Variants in CCDC122 observed in about 807,000 individuals in gnomAD.
CCDC122 encodes coiled-coil domain containing 122, also known as coiled-coil domain-containing protein 122.
CCDC122 carries 38 observed loss-of-function variants against 37.0 expected under a neutral mutation model. The observed-to-expected ratio is 1.03, with a 90% CI of 0.79 to 1.35. CCDC122 has a LOEUF of 1.35. CCDC122 is among the 40% of genes most tolerant of loss of function. The pLI, the probability that CCDC122 is intolerant of heterozygous loss-of-function variation, is 0.00. For synonymous variants in CCDC122, 83 were observed against 95.6 expected (o/e 0.87, Z 0.77); for missense variants, 305 against 310.0 (o/e 0.98, Z 0.12).
chr13:43,875,597 T>G (rs1954585401), intron 1 of CCDC122, among the ~76,000 whole-genome samples: 1 of 152,072 alleles, frequency 6.6e-6, no homozygotes, highest in Non-Finnish European at 1.5e-5. Flanking sequence ...GTCCAGGAAG[T>G]CTATAAATTA....
intron 4 of CCDC122, among the ~76,000 whole-genome samples, chr13:43,861,895 A>C (rs1366460000): frequency 6.6e-6 from 1 of 152,170 alleles, no homozygotes; most frequent in African/African-American, 2.4e-5. Context: ...TCAAAAGCCT[A>C]GAAATCATTC....
At chr13:43,845,447 A>G (rs540275709) in intron 6 of CCDC122, among the ~76,000 whole-genome samples, 2 of 152,362 alleles carry the variant, frequency 1.3e-5, no homozygotes, top group African/African-American at 4.8e-5. Context: ...ATAGTGGCTC[A>G]TGCCTGTAAT....
intron 3 of CCDC122, among the ~76,000 whole-genome samples, chr13:43,828,669 C>A (rs1469446762): frequency 2.6e-5 from 4 of 151,482 alleles, no homozygotes; most frequent in Non-Finnish European, 5.9e-5. Context: ...CTTGCAGTTA[C>A]CTAACACAGA....
chr13:43,864,540 G>A (rs1039407693), intron 4 of CCDC122, among the ~76,000 whole-genome samples: 5 of 152,030 alleles, frequency 3.3e-5, no homozygotes, highest in African/African-American at 1.2e-4. Context: ...AGCAAGAGAG[G>A]GAGCCGGGAG....
chr13:43,863,840 T>C (rs1954191137), intron 4 of CCDC122, among the ~76,000 whole-genome samples: 1 of 152,210 alleles, frequency 6.6e-6, no homozygotes, highest in South Asian at 2.1e-4. Context: ...CATAATAGTG[T>C]ATATTGAAGA....
At chr13:43,858,629 T>A (rs1954005145) in intron 6 of CCDC122, 152 bp downstream of exon 6, 1 of 446,418 alleles carries the variant, frequency 2.2e-6, no homozygotes, top group Middle Eastern at 6.7e-4. Context: ...TCTCTAGTTA[T>A]CTATTAATGA....
At chr13:43,877,044 C>A (rs9533672) in intron 1 of CCDC122, among the ~76,000 whole-genome samples, 1 of 151,888 alleles carries the variant, frequency 6.6e-6, no homozygotes, top group Admixed American at 6.6e-5. Flanking sequence ...CCTGTGGAGG[C>A]TGCAGTGAGC....
chr13:43,827,355 A>G (rs889945503), intron 3 of CCDC122, among the ~76,000 whole-genome samples: 1 of 152,208 alleles, frequency 6.6e-6, no homozygotes, highest in Non-Finnish European at 1.5e-5. Flanking sequence ...ATCATAAGTG[A>G]ATTATCTTTT....
downstream of CCDC122, among the ~76,000 whole-genome samples, chr13:43,835,081 C>T (rs1181642818): frequency 2.0e-5 from 3 of 151,878 alleles, no homozygotes; most frequent in African/African-American, 2.4e-5. Flanking sequence ...CAATGATAGA[C>T]TGGATTAAGA....
At chr13:43,837,991 G>A (rs574487571) in intron 6 of CCDC122, among the ~76,000 whole-genome samples, 5 of 152,194 alleles carry the variant, frequency 3.3e-5, no homozygotes, top group South Asian at 2.1e-4. Context: ...CAGGTGGTCC[G>A]CTGACTATAC....
intron 6 of CCDC122, chr13:43,855,708 AAAC>A (rs1339659844): frequency 3.9e-5 from 6 of 152,130 alleles, no homozygotes; most frequent in Non-Finnish European, 7.3e-5. Context: ...AACAAACAAA[AAAC>A]ATGCTGACAA....
At chr13:43,878,798 A>C (rs1408316310) in intron 1 of CCDC122, among the ~76,000 whole-genome samples, 3 of 152,220 alleles carry the variant, frequency 2.0e-5, no homozygotes, top group African/African-American at 7.2e-5. Context: ...CTAGTGGCAC[A>C]TATTTTAAAA....
At position 43,838,280 on chromosome 13, in the gene CCDC122, T is replaced by C. The variant is rs2153869446; in HGVS notation, c.673-851A>G. On this transcript the variant is annotated intron_variant, in intron 6 of 6. Transcript: ENST00000444614. ...ACATCAGTTAAGAAAAATGGTTCCA[T>C]TTCCCATTTCCTGTATACAGTGATT... is the stretch of plus-strand genomic sequence containing the variant. 1.3e-5 allele frequency among the ~76,000 whole-genome samples: 2 copies of C among 152,330 alleles called. 1 individual carries two copies. The highest frequency in any genetic ancestry group is 4.1e-4 in the South Asian group (2 of 4,832).
At chr13:43,825,866 G>C (rs1953035351) in intron 3 of CCDC122, among the ~76,000 whole-genome samples, 1 of 151,366 alleles carries the variant, frequency 6.6e-6, no homozygotes, top group South Asian at 2.1e-4. Flanking sequence ...ATCACTAGAA[G>C]TGGAACCTCA....
chr13:43,851,776 C>T (rs527414514), intron 6 of CCDC122, among the ~76,000 whole-genome samples: 200 of 152,274 alleles, frequency 1.3e-3, no homozygotes, highest in Non-Finnish European at 2.4e-3. Context: ...GGATTCCTAA[C>T]CTTGAGGGGC....
intron 6 of CCDC122, chr13:43,856,047 T>G (rs1021309494): frequency 6.6e-6 from 1 of 152,158 alleles, no homozygotes; most frequent in Non-Finnish European, 1.5e-5. Flanking sequence ...TGAGATTATG[T>G]CCTTTGCAGG....
chr13:43,876,164 G>C lies in CCDC122; in HGVS notation c.-199-1237C>G, dbSNP rs547416810. Among the ~76,000 whole-genome samples the C allele has an allele frequency of 1.2e-3, 179 of 152,316 alleles. 2 individuals carry two copies. Among genetic ancestry groups the C allele is most frequent in the Middle Eastern group, 6.8e-3 (2 of 294 alleles). On this transcript the variant is annotated intron_variant, in intron 1 of 6. Transcript: ENST00000444614. ...CATCATCTGGCCTCCGTAACTGTGA[G>C]AGAACAAGTTTTTGTTGTTTTTAGT...
chr13:43,830,690 C>A (rs971642795), intron 3 of CCDC122, among the ~76,000 whole-genome samples: 5 of 152,082 alleles, frequency 3.3e-5, no homozygotes, highest in African/African-American at 1.2e-4. Flanking sequence ...TTTTTCTTTG[C>A]GAGGCATGTC....
intron 1 of CCDC122, chr13:43,879,230 C>T (rs1177996203): frequency 6.5e-6 from 1 of 152,760 alleles, no homozygotes; most frequent in African/African-American, 2.4e-5. Flanking sequence ...GCCCGCCGTT[C>T]CCGCCGCCCG....
Sources: gnomAD v4.1 joint callset for allele counts (sites outside exome capture counted in the v4.1 genomes callset) on GRCh38, gnomAD v4.1.1 for gene constraint, MANE v1.5 for transcripts, NCBI Gene and HGNC (gene_info 2026-07-23, HGNC 2026-07-21) for gene names.